The following NRP1 variants were observed in gnomAD, a reference collection of about 807,000 sequenced individuals.
The protein encoded by NRP1 is neuropilin 1.
In NRP1, 35 loss-of-function variants were observed where a neutral mutation model predicts 106.7. The ratio of observed to expected loss-of-function variants is 0.33; its 90% confidence interval spans 0.25 to 0.43. NRP1 has a LOEUF of 0.43. NRP1 is among the 20% of genes least tolerant of loss of function. NRP1 has a pLI of 1.00. For synonymous variants in NRP1, 437 were observed against 417.9 expected (o/e 1.05, Z -0.56); for missense variants, 1,024 against 1,170.4 (o/e 0.87, Z 1.83).
Position 33,226,246 on chromosome 10 carries a change from T to C in NRP1, c.1025A>G (p.Gln342Arg). 1 of 1,614,138 alleles carries C rather than the reference T, an allele frequency of 6.2e-7. No homozygotes were observed. Among genetic ancestry groups the C allele is most frequent in the Non-Finnish European group, 8.5e-7 (1 of 1,179,992 alleles). ...LLRFVTAVGT[Q>R]GAISKETKKK... The stretch of plus-strand genomic sequence containing the variant: ...CTTGGTTTCTTTTGAAATGGCGCCC[T>C]GTGTCCCGACAGCCGTGACAAAGCG... The change falls in exon 7 of 17, where the codon CAG (glutamine) becomes CGG (arginine). Residue 342 changes from glutamine (Q) to arginine (R), a missense_variant. Coordinates refer to ENST00000374867, the MANE Select transcript of NRP1 (RefSeq NM_003873.7).
chr10:33,308,356 T>C (rs143286236), intron 2 of NRP1, among the ~76,000 whole-genome samples: 311 of 150,372 alleles, frequency 2.1e-3, no homozygotes, highest in African/African-American at 7.2e-3. Flanking sequence ...TACAGGTTTA[T>C]ATATAAAACA....
chr10:33,189,089 C>A (rs1283043153), intron 13 of NRP1, among the ~76,000 whole-genome samples: 1 of 151,758 alleles, frequency 6.6e-6, no homozygotes, highest in African/African-American at 2.4e-5. Context: ...CTCCTGGTCA[C>A]TGCATCACCA....
rs538700575 is a variant in NRP1, at chr10:33,297,041, T to C, written c.249-26185A>G. On this transcript the variant is annotated intron_variant, in intron 2 of 16. Coordinates refer to ENST00000374867, the MANE Select transcript of NRP1 (RefSeq NM_003873.7). ...AATTTAAACAAAGAAAAACCTTTCATTGAGCTCTTTAAATATCCTAAGAAT... is the reference window on the plus strand; with the variant it reads ...AATTTAAACAAAGAAAAACCTTTCACTGAGCTCTTTAAATATCCTAAGAAT... Among the ~76,000 whole-genome samples the C allele has an allele frequency of 5.3e-5, 8 of 152,232 alleles. No individual in the cohort carries two copies. In the South Asian group the frequency reaches 1.2e-3, roughly 24 times the overall value.
At chr10:33,192,033 C>T (rs1465763719) in intron 13 of NRP1, among the ~76,000 whole-genome samples, 1 of 150,876 alleles carries the variant, frequency 6.6e-6, no homozygotes, top group Non-Finnish European at 1.5e-5. Context: ...TAGATCCTTG[C>T]CCAATTTGCT....
intron 6 of NRP1, among the ~76,000 whole-genome samples, chr10:33,251,102 G>A (rs947470233): frequency 6.6e-6 from 1 of 152,192 alleles, no homozygotes; most frequent in Non-Finnish European, 1.5e-5. Context: ...GGTGGGAGGT[G>A]ATTTGATCAT....
intron 6 of NRP1, among the ~76,000 whole-genome samples, chr10:33,237,768 G>A (rs1244789168): frequency 6.6e-6 from 1 of 151,620 alleles, no homozygotes; most frequent in Non-Finnish European, 1.5e-5. Flanking sequence ...TGTCCTGTTG[G>A]CCAGGCAGTT....
chr10:33,218,495 GCCA>G (rs1838968021), intron 8 of NRP1, among the ~76,000 whole-genome samples: 2 of 151,868 alleles, frequency 1.3e-5, no homozygotes, highest in South Asian at 4.2e-4. Context: ...ACAAGTGCAT[GCCA>G]CCACACCTGG....
chr10:33,202,535 G>A (rs980189611), intron 11 of NRP1: 45 of 1,345,594 alleles, frequency 3.3e-5, no homozygotes, highest in Middle Eastern at 2.6e-4. Flanking sequence ...ATTCTGAAGT[G>A]TGTGGTTACG....
At chr10:33,230,298 G>A (rs1208472073) in intron 6 of NRP1, among the ~76,000 whole-genome samples, 1 of 152,166 alleles carries the variant, frequency 6.6e-6, no homozygotes, top group Non-Finnish European at 1.5e-5. Flanking sequence ...AAGACTTCAT[G>A]CCTTGGTGTT....
intron 2 of NRP1, among the ~76,000 whole-genome samples, chr10:33,296,808 C>A (rs1237750973): frequency 6.6e-6 from 1 of 152,004 alleles, no homozygotes; most frequent in Non-Finnish European, 1.5e-5. Context: ...GCAGATGGAT[C>A]ATCTGAGGCC....
intron 2 of NRP1, among the ~76,000 whole-genome samples, chr10:33,320,815 G>C (rs1233464836): frequency 6.6e-6 from 1 of 152,138 alleles, no homozygotes; most frequent in Non-Finnish European, 1.5e-5. Flanking sequence ...TTGTCTTGCT[G>C]GGGTCTGCCA....
intron 2 of NRP1, among the ~76,000 whole-genome samples, chr10:33,277,723 T>C (rs1588904601): frequency 6.6e-6 from 1 of 152,260 alleles, no homozygotes; most frequent in Admixed American, 6.5e-5. Context: ...CTATGGAATA[T>C]TAAATAAAGA....
At chr10:33,286,981 T>C (rs947526667) in intron 2 of NRP1, among the ~76,000 whole-genome samples, 3 of 152,176 alleles carry the variant, frequency 2.0e-5, no homozygotes, top group African/African-American at 7.2e-5. Context: ...AAATACCCAT[T>C]TTCACTAATT....
At chr10:33,182,586 T>A in intron 16 of NRP1, 112 bp downstream of exon 16, 1 of 752,224 alleles carries the variant, frequency 1.3e-6, no homozygotes, top group Non-Finnish European at 2.2e-6. Context: ...TAGATGTTTT[T>A]TATTTGAACT....
intron 7 of NRP1, among the ~76,000 whole-genome samples, chr10:33,225,521 C>T (rs904888384): frequency 1.3e-5 from 2 of 152,176 alleles, no homozygotes; most frequent in Non-Finnish European, 2.9e-5. Context: ...CTGAGAAAAA[C>T]ATCTCTGTTC....
intron 2 of NRP1, among the ~76,000 whole-genome samples, chr10:33,279,208 C>A (rs941553209): frequency 6.6e-6 from 1 of 152,210 alleles, no homozygotes; most frequent in African/African-American, 2.4e-5. Flanking sequence ...CTTGAAACAA[C>A]ACACAGTTCT....
intron 3 of NRP1, among the ~76,000 whole-genome samples, chr10:33,268,136 G>A (rs770245162): frequency 6.6e-6 from 1 of 152,144 alleles, no homozygotes; most frequent in Non-Finnish European, 1.5e-5. Context: ...TTCATGACCT[G>A]TGCTTTTGTG....
At chr10:33,206,923 T>C (rs1837834226) in intron 10 of NRP1, among the ~76,000 whole-genome samples, 1 of 152,242 alleles carries the variant, frequency 6.6e-6, no homozygotes, top group Admixed American at 6.5e-5. Flanking sequence ...GTGTAGGCAG[T>C]AATGTCAGTC....
At chr10:33,304,753 C>T (rs761358968) in intron 2 of NRP1, among the ~76,000 whole-genome samples, 7 of 152,178 alleles carry the variant, frequency 4.6e-5, no homozygotes, top group Non-Finnish European at 1.0e-4. Flanking sequence ...AGGTCTGAGG[C>T]TTTACAGAAA....
Sources: allele counts gnomAD v4.1 joint callset (sites outside exome capture counted in the v4.1 genomes callset), GRCh38; gene constraint gnomAD v4.1.1; transcripts MANE v1.5; gene names NCBI Gene and HGNC (gene_info 2026-07-23, HGNC 2026-07-21).